The following RAB11FIP2 variants were observed in gnomAD, a reference collection of about 807,000 sequenced individuals.
RAB11FIP2 encodes RAB11 family interacting protein 2.
In RAB11FIP2, 16 loss-of-function variants were observed where a neutral mutation model predicts 40.9. That is an observed-to-expected ratio of 0.39 (90% CI 0.26 to 0.59). The LOEUF (loss-of-function observed/expected upper bound fraction) is 0.59, where lower values mean the gene tolerates loss of function less well. RAB11FIP2 is among the 20% of genes least tolerant of loss of function. The pLI, the probability that RAB11FIP2 is intolerant of heterozygous loss-of-function variation, is 0.53. For synonymous variants in RAB11FIP2, 228 were observed against 213.7 expected (o/e 1.07, Z -0.58); for missense variants, 532 against 606.2 (o/e 0.88, Z 1.28).
At chr10:118,045,212 TG>T (rs369963119) in intron 1 of RAB11FIP2, 14 of 152,316 alleles carry the variant, frequency 9.2e-5, no homozygotes, top group African/African-American at 3.1e-4. Context: ...CAAAGGAAAA[TG>T]TAAGTGCATT....
chr10:118,027,305 T>C (rs966229924), intron 3 of RAB11FIP2, among the ~76,000 whole-genome samples: 5 of 152,238 alleles, frequency 3.3e-5, no homozygotes. Context: ...TTAATACTTA[T>C]CCTATACTCC....
intron 1 of RAB11FIP2, 70 bp downstream of exon 1, chr10:118,045,741 T>C: frequency 7.7e-7 from 1 of 1,295,446 alleles, no homozygotes. Context: ...ATACGGATAA[T>C]TTCCAAGAAC....
intron 3 of RAB11FIP2, among the ~76,000 whole-genome samples, chr10:118,026,574 G>T (rs1339809542): frequency 6.6e-6 from 1 of 152,150 alleles, no homozygotes; most frequent in African/African-American, 2.4e-5. Context: ...ATGTTCTGAG[G>T]AGTTTTCAAT....
In RAB11FIP2 at chr10:118,006,766, A is replaced by G. The variant is rs572985477; in HGVS notation, c.*2232T>C. The G allele has an allele frequency of 6.6e-6, 1 of 152,190 alleles. No homozygotes were observed. Among genetic ancestry groups the G allele is most frequent in the South Asian group, 2.1e-4 (1 of 4,818 alleles). The allele number at this position is 152,190 out of a possible 1,614,324, so 9.4% of individuals were successfully genotyped here. On this transcript the variant is annotated 3_prime_UTR_variant, in exon 5 of 5. Transcript: ENST00000355624. ...ATTAATAGATCTAGTTTTAAATATA[A>G]TACTTGTCTCAGATTTAAAGATAAA...
At chr10:118,025,259 T>C (rs1260235130) in intron 3 of RAB11FIP2, among the ~76,000 whole-genome samples, 1 of 152,210 alleles carries the variant, frequency 6.6e-6, no homozygotes, top group Non-Finnish European at 1.5e-5. Context: ...CCTATCCAAC[T>C]TTCAGTCAGC....
intron 3 of RAB11FIP2, among the ~76,000 whole-genome samples, chr10:118,036,845 C>A (rs1846487226): frequency 6.6e-6 from 1 of 151,912 alleles, no homozygotes; most frequent in Non-Finnish European, 1.5e-5. Flanking sequence ...AATAAAGTAA[C>A]TGAAAACAAA....
At chr10:118,010,013 A>G (rs1235961899) in intron 4 of RAB11FIP2, among the ~76,000 whole-genome samples, 1 of 152,152 alleles carries the variant, frequency 6.6e-6, no homozygotes, top group Non-Finnish European at 1.5e-5. Context: ...TTTAGGCAAA[A>G]GCATAAATAT....
intron 3 of RAB11FIP2, among the ~76,000 whole-genome samples, chr10:118,027,496 A>T (rs1300950324): frequency 6.6e-6 from 1 of 152,212 alleles, no homozygotes; most frequent in Admixed American, 6.5e-5. Flanking sequence ...TCTATGAAAC[A>T]AATGCATTGT....
chr10:118,015,124 A>G lies in RAB11FIP2; in HGVS notation c.1266-14T>C. The G allele has an allele frequency of 1.9e-6, 3 of 1,597,188 alleles. No homozygotes were observed. Among genetic ancestry groups the G allele is most frequent in the Non-Finnish European group, 2.6e-6 (3 of 1,169,340 alleles). On this transcript the variant is annotated splice_polypyrimidine_tract_variant and intron_variant, in intron 3 of 4. Coordinates refer to ENST00000355624, the MANE Select transcript of RAB11FIP2 (RefSeq NM_014904.3). ...CTCATATGAAAACTAATAAAACACA[A>G]ACAAATGTTAAAAGTGTCATAACTC...
intron 3 of RAB11FIP2, among the ~76,000 whole-genome samples, chr10:118,023,888 A>G (rs1044597666): frequency 6.6e-6 from 1 of 152,058 alleles, no homozygotes; most frequent in African/African-American, 2.4e-5. Flanking sequence ...CAGGAGTTCA[A>G]GACCAGCCTG....
chr10:118,037,059 T>C (rs1846490712), intron 3 of RAB11FIP2, among the ~76,000 whole-genome samples: 1 of 152,104 alleles, frequency 6.6e-6, no homozygotes, highest in South Asian at 2.1e-4. Context: ...AATTGCCCCA[T>C]CTCCAAGTTA....
chr10:118,010,396 G>A (rs113175531), intron 4 of RAB11FIP2, among the ~76,000 whole-genome samples: 236 of 152,204 alleles, frequency 1.6e-3, no homozygotes, highest in African/African-American at 5.5e-3. Flanking sequence ...AGTGGAGGAT[G>A]GGGAATGGGG....
rs529080415 is a variant in RAB11FIP2, at chr10:118,015,840, T to C, written c.1266-730A>G. 1.6e-4 allele frequency among the ~76,000 whole-genome samples: 24 copies of C among 152,326 alleles called. 1 individual carries two copies. Among genetic ancestry groups the C allele is most frequent in the African/African-American group, 5.5e-4 (23 of 41,576 alleles). ...ATGAGTAAATATTTCATCGGTGCTATTCAAGTTTAATTTTTACCCAGCACT... is the reference window on the plus strand; with the variant it reads ...ATGAGTAAATATTTCATCGGTGCTACTCAAGTTTAATTTTTACCCAGCACT... On this transcript the variant is annotated intron_variant, in intron 3 of 4. Coordinates refer to ENST00000355624, the MANE Select transcript of RAB11FIP2 (RefSeq NM_014904.3).
At position 118,011,418 on chromosome 10, in the gene RAB11FIP2, C is replaced by T. The variant is rs1031258124; in HGVS notation, c.1312-2193G>A. ...ACACACACACACACACTCTCATGCA[C>T]GTAGTTACTAGTTTAATTGGTCATA... On this transcript the variant is annotated intron_variant, in intron 4 of 4. Transcript: ENST00000355624. Among the ~76,000 whole-genome samples the T allele has an allele frequency of 2.6e-5, 4 of 151,834 alleles. No homozygotes were observed. The East Asian group carries it at 7.7e-4, about 29-fold the overall frequency.
rs574988149 is a variant in RAB11FIP2, at chr10:118,040,381, A to C, written c.538T>G (p.Phe180Val). ...ATGATTGCAGAAGACGTATCAGAAAATGTTCCATCATTTTTTCTACCCTTC... is the reference window on the plus strand; with the variant it reads ...ATGATTGCAGAAGACGTATCAGAAACTGTTCCATCATTTTTTCTACCCTTC... ...KMKGRKNDGT[F>V]SDTSSAIIPS... is the part of the protein sequence containing the mutation. Residue 180 changes from phenylalanine (F) to valine (V), a missense_variant, in exon 2 of 5, where the codon TTT becomes GTT. Physicochemically the swap from Phe to Val is conservative, Grantham distance 50. Transcript: ENST00000355624. 6.2e-7 allele frequency: 1 copy of C among 1,613,908 alleles called. No homozygotes were observed. Among genetic ancestry groups the C allele is most frequent in the East Asian group, 2.2e-5 (1 of 44,882 alleles).
chr10:118,031,282 A>T (rs1846410952), intron 3 of RAB11FIP2, among the ~76,000 whole-genome samples: 1 of 152,174 alleles, frequency 6.6e-6, no homozygotes, highest in Non-Finnish European at 1.5e-5. Context: ...ATAAAAATGA[A>T]GGTTTAAAAA....
chr10:118,027,865 C>G (rs1348044196), intron 3 of RAB11FIP2, among the ~76,000 whole-genome samples: 2 of 152,106 alleles, frequency 1.3e-5, no homozygotes, highest in East Asian at 3.8e-4. Context: ...AGTTGTCTAT[C>G]TAGTCATGCC....
At chr10:118,025,336 A>G (rs1025619794) in intron 3 of RAB11FIP2, among the ~76,000 whole-genome samples, 1 of 152,252 alleles carries the variant, frequency 6.6e-6, no homozygotes, top group Non-Finnish European at 1.5e-5. Flanking sequence ...ACAGGTGCCC[A>G]CTGATTTAAA....
chr10:118,039,565 C>CA (rs559322788), intron 2 of RAB11FIP2, 125 bp from the exon 3 acceptor site: 9,106 of 805,546 alleles, frequency 0.011, 71 homozygotes, highest in South Asian at 0.014. Flanking sequence ...TATTAACCTT[C>CA]AAAAAATCAA....
Sources: gnomAD v4.1 joint callset for allele counts (sites outside exome capture counted in the v4.1 genomes callset) on GRCh38, gnomAD v4.1.1 for gene constraint, MANE v1.5 for transcripts, NCBI Gene and HGNC (gene_info 2026-07-23, HGNC 2026-07-21) for gene names.